The following MBNL2 variants were observed in gnomAD, a reference collection of about 807,000 sequenced individuals.
MBNL2 encodes the protein muscleblind-like protein 2.
In MBNL2, 17 loss-of-function variants were observed where a neutral mutation model predicts 41.9. That is an observed-to-expected ratio of 0.41 (90% confidence interval 0.28 to 0.61). MBNL2 has a LOEUF of 0.61. Ranked by LOEUF, MBNL2 falls within the 20% of genes least tolerant of loss-of-function variation. The probability of loss-of-function intolerance (pLI) is 0.35; values close to 1 mark genes in which losing one functional copy is unlikely to be tolerated. For missense variants in MBNL2, 336 were observed against 505.6 expected (o/e 0.66, Z 3.22); for synonymous variants, 195 against 182.9 (o/e 1.07, Z -0.53).
At chr13:97,348,628 C>T (rs1210106435) in intron 5 of MBNL2, among the ~76,000 whole-genome samples, 1 of 152,088 alleles carries the variant, frequency 6.6e-6, no homozygotes, top group African/African-American at 2.4e-5. Flanking sequence ...TAACTGAGAG[C>T]AATAACATGC....
the MBNL2 span, among the ~76,000 whole-genome samples, chr13:97,215,954 C>T: frequency 2.7e-3 from 417 of 152,292 alleles, 2 homozygotes; most frequent in African/African-American, 9.5e-3. Flanking sequence ...ACATTGAGCA[C>T]TGCTATGTAC....
chr13:97,212,554 G>T, the MBNL2 span, among the ~76,000 whole-genome samples: 2 of 152,126 alleles, frequency 1.3e-5, no homozygotes, highest in African/African-American at 4.8e-5. Context: ...GTGAGGTGTC[G>T]CAGTAGAGAA....
intron 3 of MBNL2, among the ~76,000 whole-genome samples, chr13:97,337,993 C>A (rs2061033519): frequency 6.6e-6 from 1 of 152,218 alleles, no homozygotes; most frequent in Admixed American, 6.5e-5. Context: ...AAAGCATTTA[C>A]TTCCTAATCT....
At chr13:97,218,700 T>C (rs1447299422), upstream of MBNL2, among the ~76,000 whole-genome samples, 1 of 151,526 alleles carries the variant, frequency 6.6e-6, no homozygotes, top group Non-Finnish European at 1.5e-5. Context: ...ATCCAGAGTT[T>C]CCAGGAACTT....
At chr13:97,205,458 T>C in the MBNL2 span, among the ~76,000 whole-genome samples, 31 of 152,272 alleles carry the variant, frequency 2.0e-4, no homozygotes, top group Non-Finnish European at 4.0e-4. Context: ...ATATAAAGTA[T>C]ATGACAGAAG....
At chr13:97,283,544 C>T (rs534761380) in intron 2 of MBNL2, among the ~76,000 whole-genome samples, 1 of 152,160 alleles carries the variant, frequency 6.6e-6, no homozygotes, top group East Asian at 1.9e-4. Flanking sequence ...AAGTATAATA[C>T]CTTTAAGAAT....
intron 2 of MBNL2, among the ~76,000 whole-genome samples, chr13:97,311,699 T>C (rs1415361521): frequency 6.7e-6 from 1 of 148,360 alleles, no homozygotes; most frequent in Non-Finnish European, 1.5e-5. Context: ...TGTGTGGTGC[T>C]CATGCAGAAG....
chr13:97,180,894 G>T, the MBNL2 span, among the ~76,000 whole-genome samples: 1 of 152,214 alleles, frequency 6.6e-6, no homozygotes, highest in South Asian at 2.1e-4. Context: ...GCCCAAATGG[G>T]TTACATTTTA....
At chr13:97,218,440 C>CAACAA (rs1555302258), upstream of MBNL2, among the ~76,000 whole-genome samples, 1 of 117,974 alleles carries the variant, frequency 8.5e-6, no homozygotes, top group Non-Finnish European at 1.7e-5. Context: ...CAAAACAAAA[C>CAACAA]AAAAAAAAAA....
intron 8 of MBNL2, among the ~76,000 whole-genome samples, chr13:97,367,113 C>T (rs919870846): frequency 4.6e-5 from 7 of 152,162 alleles, no homozygotes; most frequent in African/African-American, 7.2e-5. Flanking sequence ...CCAAACCATC[C>T]GGAATGAAGA....
At chr13:97,166,824 AT>A in the MBNL2 span, among the ~76,000 whole-genome samples, 106 of 151,708 alleles carry the variant, frequency 7.0e-4, no homozygotes, top group Admixed American at 1.5e-3. Flanking sequence ...AGATAGATAG[AT>A]AGATAGATAG....
At chr13:97,263,012 C>T (rs1465850140) in intron 1 of MBNL2, among the ~76,000 whole-genome samples, 2 of 152,092 alleles carry the variant, frequency 1.3e-5, no homozygotes, top group East Asian at 3.9e-4. Flanking sequence ...GTCTTGAACT[C>T]CTGAGGTCGG....
At chr13:97,257,193 T>C (rs1436634692) in intron 1 of MBNL2, among the ~76,000 whole-genome samples, 1 of 151,326 alleles carries the variant, frequency 6.6e-6, no homozygotes, top group Non-Finnish European at 1.5e-5. Flanking sequence ...TCTTGTCAGG[T>C]TGGGTTTGAT....
chr13:97,364,117 C>G (rs2063654750), intron 7 of MBNL2, among the ~76,000 whole-genome samples: 1 of 152,110 alleles, frequency 6.6e-6, no homozygotes, highest in African/African-American at 2.4e-5. Flanking sequence ...TTTCAGTTCT[C>G]CACAACATGC....
intron 5 of MBNL2, among the ~76,000 whole-genome samples, chr13:97,354,149 G>T (rs1490689555): frequency 9.9e-6 from 1 of 101,234 alleles, no homozygotes; most frequent in African/African-American, 9.0e-5. Flanking sequence ...TGTTGGTGAG[G>T]CCAGTCAGAT....
intron 2 of MBNL2, among the ~76,000 whole-genome samples, chr13:97,290,982 A>G (rs1436788355): frequency 6.6e-6 from 1 of 152,158 alleles, no homozygotes; most frequent in Non-Finnish European, 1.5e-5. Flanking sequence ...GCCTGACATC[A>G]TGAGTAAGAC....
the MBNL2 span, among the ~76,000 whole-genome samples, chr13:97,185,774 G>A: frequency 1.3e-5 from 2 of 152,336 alleles, no homozygotes; most frequent in Non-Finnish European, 2.9e-5. Flanking sequence ...AGCTGTAAAT[G>A]TGTGTGTCTT....
At chr13:97,162,085 G>A in the MBNL2 span, among the ~76,000 whole-genome samples, 1 of 152,178 alleles carries the variant, frequency 6.6e-6, no homozygotes, top group African/African-American at 2.4e-5. Flanking sequence ...GTAGGAGGAA[G>A]AGGAGAGAGA....
intron 8 of MBNL2, among the ~76,000 whole-genome samples, chr13:97,374,331 T>C (rs1478506626): frequency 6.6e-6 from 1 of 150,766 alleles, no homozygotes; most frequent in African/African-American, 2.4e-5. Context: ...GTATTTTTAG[T>C]AGAGACGGGG....
Sources: allele counts gnomAD v4.1 joint callset (sites outside exome capture counted in the v4.1 genomes callset), GRCh38; gene constraint gnomAD v4.1.1; transcripts MANE v1.5; gene names NCBI Gene and HGNC (gene_info 2026-07-23, HGNC 2026-07-21).